SEC24B: variants seen among roughly 807,000 people sequenced by gnomAD.
The protein encoded by SEC24B is protein transport protein Sec24B.
In SEC24B, 45 loss-of-function variants were observed where a neutral mutation model predicts 142.8. The observed-to-expected ratio is 0.32, with a 90% CI of 0.25 to 0.40. The LOEUF is 0.40. Among genes scored for constraint, SEC24B ranks in the 10% least tolerant of loss-of-function variants. The probability of loss-of-function intolerance (pLI) is 1.00; values close to 1 mark genes in which losing one functional copy is unlikely to be tolerated. For missense variants in SEC24B, 1,409 were observed against 1,526.8 expected (o/e 0.92, Z 1.29); for synonymous variants, 574 against 568.2 (o/e 1.01, Z -0.15).
At chr4:109,495,950 C>G (rs562542697) in intron 6 of SEC24B, among the ~76,000 whole-genome samples, 19 of 152,206 alleles carry the variant, frequency 1.2e-4, no homozygotes, top group African/African-American at 4.6e-4. Flanking sequence ...TTTTTAACTC[C>G]TATATCACTG....
chr4:109,487,026 G>A (rs753425913), intron 4 of SEC24B, among the ~76,000 whole-genome samples: 6 of 151,900 alleles, frequency 3.9e-5, no homozygotes, highest in Non-Finnish European at 5.9e-5. Context: ...TTAGCCGGCC[G>A]TGGTGGCTGG....
intron 14 of SEC24B, among the ~76,000 whole-genome samples, chr4:109,522,261 C>T (rs1230398837): frequency 5.9e-5 from 9 of 151,838 alleles, no homozygotes; most frequent in Non-Finnish European, 1.3e-4. Flanking sequence ...CAGTGTTAAC[C>T]AGGATGGTCT....
At chr4:109,484,204 C>T (rs989260054) in intron 4 of SEC24B, among the ~76,000 whole-genome samples, 1 of 152,140 alleles carries the variant, frequency 6.6e-6, no homozygotes, top group African/African-American at 2.4e-5. Flanking sequence ...AGCCTCTTTC[C>T]TTGCCTTTAC....
chr4:109,448,220 T>TA (rs1729664567), intron 1 of SEC24B, among the ~76,000 whole-genome samples: 1 of 152,212 alleles, frequency 6.6e-6, no homozygotes, highest in South Asian at 2.1e-4. Flanking sequence ...TATGGACATA[T>TA]GTTTTATTGG....
intron 6 of SEC24B, among the ~76,000 whole-genome samples, chr4:109,496,834 A>G (rs898418116): frequency 6.6e-5 from 10 of 152,262 alleles, no homozygotes; most frequent in African/African-American, 2.4e-4. Flanking sequence ...AACAATTTTT[A>G]AGTCTGTCCT....
At chr4:109,472,355 C>G (rs1732608974) in intron 2 of SEC24B, among the ~76,000 whole-genome samples, 1 of 152,110 alleles carries the variant, frequency 6.6e-6, no homozygotes, top group African/African-American at 2.4e-5. Flanking sequence ...ATTTTGCCTT[C>G]TAGGAGACAT....
Position 109,463,160 on chromosome 4 carries a change from A to G in SEC24B, c.393A>G (p.Leu131=), listed in dbSNP as rs979765636. ...CCCCTCATATTGTGGGATCCACTCTAGGATCTTTCCAAGGTGCTGCATCGT... is the reference window on the plus strand; with the variant it reads ...CCCCTCATATTGTGGGATCCACTCTGGGATCTTTCCAAGGTGCTGCATCGT... ...PPAPHIVGST[L]GSFQGAASSA... is the part of the protein sequence containing the mutation. The change falls in exon 2 of 24, where the codon CTA becomes CTG. Residue 131 remains leucine, a synonymous_variant. Coordinates refer to ENST00000265175, the MANE Select transcript of SEC24B (RefSeq NM_006323.5). 3 of 1,614,164 alleles carry G rather than the reference A, an allele frequency of 1.9e-6. No homozygotes were observed. The highest frequency in any genetic ancestry group is 2.5e-6 in the Non-Finnish European group (3 of 1,180,024).
chr4:109,480,398 CT>C (rs200737829), intron 3 of SEC24B, among the ~76,000 whole-genome samples: 1 of 150,432 alleles, frequency 6.6e-6, no homozygotes, highest in Non-Finnish European at 1.5e-5. Context: ...TTTCTTTTTT[CT>C]TTTTTTTTCA....
intron 10 of SEC24B, among the ~76,000 whole-genome samples, chr4:109,515,233 T>C (rs903202548): frequency 6.6e-6 from 1 of 152,040 alleles, no homozygotes; most frequent in Non-Finnish European, 1.5e-5. Context: ...TCCGAGTAGC[T>C]AGGACTACAG....
chr4:109,527,237 G>T, intron 17 of SEC24B, 85 bp from the exon 18 acceptor site: 6 of 922,798 alleles, frequency 6.5e-6, no homozygotes, highest in Non-Finnish European at 9.9e-6. Flanking sequence ...AAAAAAGAAA[G>T]AAAGAAAGAA....
At chr4:109,472,578 GAGTCA>G (rs1732637829) in intron 2 of SEC24B, among the ~76,000 whole-genome samples, 1 of 150,978 alleles carries the variant, frequency 6.6e-6, no homozygotes, top group Non-Finnish European at 1.5e-5. Flanking sequence ...CATTATTGCA[GAGTCA>G]AAAACCTCTT....
intron 4 of SEC24B, among the ~76,000 whole-genome samples, chr4:109,482,936 C>CTATGTATATATATATA (rs1733881404): frequency 5.8e-5 from 2 of 34,598 alleles, no homozygotes; most frequent in African/African-American, 1.6e-4. Context: ...CAGGCTTGTA[C>CTATGTATATATATATA]TATATATATA....
intron 1 of SEC24B, among the ~76,000 whole-genome samples, chr4:109,459,251 A>C (rs1298488073): frequency 1.3e-5 from 2 of 152,204 alleles, no homozygotes; most frequent in Non-Finnish European, 2.9e-5. Flanking sequence ...TTAATCTGTC[A>C]TGAGAGGCAG....
chr4:109,536,505 A>G (rs185793459), intron 22 of SEC24B, among the ~76,000 whole-genome samples: 148 of 152,238 alleles, frequency 9.7e-4, no homozygotes, highest in African/African-American at 3.1e-3. Context: ...GCAGATCACT[A>G]GAAGAAATAT....
At chr4:109,455,574 C>G (rs1337892966) in intron 1 of SEC24B, among the ~76,000 whole-genome samples, 1 of 152,158 alleles carries the variant, frequency 6.6e-6, no homozygotes, top group African/African-American at 2.4e-5. Context: ...TTGTTTAAGA[C>G]CAGAGGTATA....
At chr4:109,442,226 A>G (rs190103195) in intron 1 of SEC24B, among the ~76,000 whole-genome samples, 58 of 152,274 alleles carry the variant, frequency 3.8e-4, no homozygotes, top group Admixed American at 3.7e-3. Flanking sequence ...ACCATCCTTC[A>G]TACCAGAGCA....
At chr4:109,460,106 T>G (rs1469851139) in intron 1 of SEC24B, among the ~76,000 whole-genome samples, 2 of 152,142 alleles carry the variant, frequency 1.3e-5, no homozygotes, top group African/African-American at 4.8e-5. Flanking sequence ...TCTGTATACT[T>G]CTTGGAATTA....
chr4:109,516,932 G>T lies in SEC24B; in HGVS notation c.2126+292G>T, dbSNP rs560320521. Among the ~76,000 whole-genome samples, 9 of 152,268 alleles carry T rather than the reference G, an allele frequency of 5.9e-5. No homozygotes were observed. In the South Asian group the frequency reaches 1.9e-3, roughly 32 times the overall value. ...GGGGCCAGAAATGTTGAGTTAGCCA[G>T]TATATCGGGAATCTGGATGAGACTA... is the stretch of plus-strand genomic sequence containing the variant. On this transcript the variant is annotated intron_variant, in intron 11 of 23. Coordinates refer to ENST00000265175, the MANE Select transcript of SEC24B (RefSeq NM_006323.5).
rs1387123983 is a variant in SEC24B at position 109,516,604 on chromosome 4, C to T, written c.2090C>T (p.Thr697Ile). The T allele has an allele frequency of 1.4e-5, 22 of 1,611,998 alleles. No homozygotes were observed. Among genetic ancestry groups the T allele is most frequent in the Non-Finnish European group, 1.9e-5 (22 of 1,178,570 alleles). The change falls in exon 11 of 24, where the codon ACA (threonine) becomes ATA (isoleucine). Residue 697 changes from threonine (T) to isoleucine (I), a missense_variant. By Grantham distance (89) the Thr-to-Ile change is moderately conservative. This residue lies in a region of SEC24B where 700 missense variants were observed against 853.3 expected (regional missense o/e 0.82). Transcript: ENST00000265175. ...AATGCAGTGGAAGCTGGATATTTGA[C>T]AATTTTGTGCCAGTCACTCCTAGAA... is the stretch of plus-strand genomic sequence containing the variant. ...SHNAVEAGYL[T>I]ILCQSLLENL... is the part of the protein sequence containing the mutation.
Sources: allele counts gnomAD v4.1 joint callset (sites outside exome capture counted in the v4.1 genomes callset), GRCh38; gene constraint gnomAD v4.1.1; regional missense constraint gnomAD v4.1.1; transcripts MANE v1.5; gene names NCBI Gene and HGNC (gene_info 2026-07-23, HGNC 2026-07-21).